Variants in ELF2 observed in about 807,000 individuals in gnomAD.
ELF2 encodes the protein E74 like ETS transcription factor 2.
In ELF2, 11 loss-of-function variants were observed where a neutral mutation model predicts 54.8. The observed-to-expected ratio is 0.20, with a 90% CI of 0.13 to 0.33. The LOEUF (loss-of-function observed/expected upper bound fraction) is 0.33, where lower values mean the gene tolerates loss of function less well. Ranked by LOEUF, ELF2 falls within the 10% of genes least tolerant of loss-of-function variation. The pLI, the probability that ELF2 is intolerant of heterozygous loss-of-function variation, is 1.00. For synonymous variants in ELF2, 203 were observed against 245.1 expected, an observed-to-expected ratio of 0.83 and a Z score of 1.61; for missense variants, 513 against 703.0, an observed-to-expected ratio of 0.73 and a Z score of 3.06.
chr4:139,083,884 C>G (rs1274949213), intron 4 of ELF2, among the ~76,000 whole-genome samples: 1 of 152,228 alleles, frequency 6.6e-6, no homozygotes, highest in Non-Finnish European at 1.5e-5. Flanking sequence ...GCAGCTGCTG[C>G]TGCTGCTCGC....
At chr4:139,132,759 A>G (rs527638244) in intron 3 of ELF2, among the ~76,000 whole-genome samples, 8 of 150,820 alleles carry the variant, frequency 5.3e-5, no homozygotes, top group Admixed American at 2.7e-4. Flanking sequence ...TATTTACCTA[A>G]GAGTCAAATT....
At chr4:139,092,666 C>T (rs1006937997) in intron 4 of ELF2, among the ~76,000 whole-genome samples, 7 of 151,664 alleles carry the variant, frequency 4.6e-5, no homozygotes, top group Admixed American at 2.6e-4. Context: ...CCAGACATGG[C>T]GGTGGCCGCC....
intron 4 of ELF2, among the ~76,000 whole-genome samples, chr4:139,096,072 C>T (rs1338663574): frequency 6.6e-6 from 1 of 152,116 alleles, no homozygotes; most frequent in Non-Finnish European, 1.5e-5. Flanking sequence ...GATCACGCCA[C>T]TGCACTCCAG....
chr4:139,163,835 G>A (rs1037784732), intron 1 of ELF2, among the ~76,000 whole-genome samples: 8 of 151,880 alleles, frequency 5.3e-5, no homozygotes, highest in Admixed American at 4.6e-4. Flanking sequence ...GATCACTTGA[G>A]CCCGCCAAGT....
At chr4:139,061,336 G>A (rs956332422) in intron 8 of ELF2, among the ~76,000 whole-genome samples, 9 of 151,896 alleles carry the variant, frequency 5.9e-5, no homozygotes, top group Non-Finnish European at 7.4e-5. Context: ...CACCAGACCC[G>A]GCTAATTTTT....
At chr4:139,114,857 T>G (rs1467446170) in intron 4 of ELF2, 18 of 1,600,740 alleles carry the variant, frequency 1.1e-5, no homozygotes, top group Non-Finnish European at 1.5e-5. Context: ...GGTCCCCCGG[T>G]ATTGCTGTTG....
At chr4:139,129,810 T>C (rs1737306034) in intron 3 of ELF2, among the ~76,000 whole-genome samples, 1 of 152,196 alleles carries the variant, frequency 6.6e-6, no homozygotes, top group African/African-American at 2.4e-5. Flanking sequence ...CAGAACTGTT[T>C]GTGTTACTTC....
intron 4 of ELF2, among the ~76,000 whole-genome samples, chr4:139,095,294 C>T (rs1018942308): frequency 6.6e-6 from 1 of 151,666 alleles, no homozygotes; most frequent in Non-Finnish European, 1.5e-5. Context: ...AAGCAATTCT[C>T]GCACCTCAGC....
At chr4:139,084,306 C>CA in intron 4 of ELF2, 1 of 1,589,742 alleles carries the variant, frequency 6.3e-7, no homozygotes, top group Non-Finnish European at 8.5e-7. Flanking sequence ...GACACACACT[C>CA]ACGCACTCGC....
At chr4:139,074,476 T>A (rs1162478714) in intron 4 of ELF2, among the ~76,000 whole-genome samples, 1 of 152,042 alleles carries the variant, frequency 6.6e-6, no homozygotes, top group Non-Finnish European at 1.5e-5. Flanking sequence ...ATTGAAAATA[T>A]TGCAGGGGGG....
chr4:139,088,627 C>T (rs1732248862), intron 4 of ELF2, among the ~76,000 whole-genome samples: 1 of 152,196 alleles, frequency 6.6e-6, no homozygotes. Flanking sequence ...TTCTACACAA[C>T]CGTTAAATGT....
intron 1 of ELF2, among the ~76,000 whole-genome samples, chr4:139,156,740 A>G (rs577925534): frequency 1.3e-5 from 2 of 151,958 alleles, no homozygotes; most frequent in Admixed American, 6.6e-5. Context: ...CACGTGTTAA[A>G]GCAATTCTGC....
intron 4 of ELF2, among the ~76,000 whole-genome samples, chr4:139,094,190 C>T (rs958031957): frequency 6.6e-6 from 1 of 152,078 alleles, no homozygotes; most frequent in African/African-American, 2.4e-5. Context: ...TGAGCCACCA[C>T]GCCCGGCAAC....
rs1728289806 is a variant in ELF2, at chr4:139,064,037, G to A, written c.614-1980C>T. 2.6e-5 allele frequency among the ~76,000 whole-genome samples: 4 copies of A among 152,154 alleles called. No individual in the cohort carries two copies. The South Asian group carries it at 8.3e-4, about 32-fold the overall frequency. On this transcript the variant is annotated intron_variant, in intron 7 of 9. Coordinates refer to ENST00000686138, the MANE Select transcript of ELF2 (RefSeq NM_001331036.3). Reference sequence around the variant, plus strand: ...AATAGAAGAACAGAAGGCTGGACGAGGTGGCTCACGCCTGTAATCCCAGCA... The same window carrying A: ...AATAGAAGAACAGAAGGCTGGACGAAGTGGCTCACGCCTGTAATCCCAGCA...
intron 1 of ELF2, among the ~76,000 whole-genome samples, chr4:139,173,484 T>C (rs1320576530): frequency 6.6e-6 from 1 of 151,918 alleles, no homozygotes; most frequent in Non-Finnish European, 1.5e-5. Context: ...ACAGGGTGGG[T>C]GCAGTGGCTC....
At chr4:139,084,447 C>CGGCGGCGGCGGCGGCGGCTGT (rs1731715119) in intron 4 of ELF2, 1 of 1,142,072 alleles carries the variant, frequency 8.8e-7, no homozygotes, top group Non-Finnish European at 1.1e-6. Context: ...GGGGCGGCGG[C>CGGCGGCGGCGGCGGCGGCTGT]GGCGGCGGCG....
intron 1 of ELF2, among the ~76,000 whole-genome samples, chr4:139,170,736 TATTA>T (rs1319080839): frequency 6.8e-6 from 1 of 147,708 alleles, no homozygotes; most frequent in Non-Finnish European, 1.5e-5. Context: ...TATTATATTA[TATTA>T]ATTATATTAT....
intron 4 of ELF2, among the ~76,000 whole-genome samples, chr4:139,121,589 A>C (rs1425585788): frequency 6.6e-6 from 1 of 151,976 alleles, no homozygotes; most frequent in East Asian, 1.9e-4. Context: ...GAATCCAAAA[A>C]ACTCCTTCCC....
chr4:139,148,195 T>TG (rs1327875238), intron 1 of ELF2, among the ~76,000 whole-genome samples: 96 of 151,212 alleles, frequency 6.3e-4, no homozygotes, highest in African/African-American at 1.9e-3. Flanking sequence ...GTGATTTTTT[T>TG]GGGGGGGTGG....
Sources: allele counts gnomAD v4.1 joint callset (sites outside exome capture counted in the v4.1 genomes callset), GRCh38; gene constraint gnomAD v4.1.1; transcripts MANE v1.5; gene names NCBI Gene and HGNC (gene_info 2026-07-23, HGNC 2026-07-21).